Variants in BRF1 observed in about 807,000 individuals in gnomAD.
BRF1 encodes the protein BRF1 general transcription factor IIIB subunit.
A neutral mutation model predicts 81.7 loss-of-function variants in BRF1; 59 were observed. The ratio of observed to expected loss-of-function variants is 0.72; its 90% confidence interval spans 0.59 to 0.90. The LOEUF is 0.90. Among genes scored for constraint, BRF1 ranks in the 40% least tolerant of loss-of-function variants. The probability of loss-of-function intolerance (pLI) is 0.00; values close to 1 mark genes in which losing one functional copy is unlikely to be tolerated. For synonymous variants in BRF1, 491 were observed against 395.6 expected (o/e 1.24, Z -2.86); for missense variants, 1,050 against 936.3 (o/e 1.12, Z -1.58).
At position 105,226,242 on chromosome 14, in the gene BRF1, G is replaced by T; in HGVS notation, c.955+9C>A. On this transcript the variant is annotated intron_variant, in intron 9 of 17. Coordinates refer to ENST00000547530, the MANE Select transcript of BRF1 (RefSeq NM_001519.4). ...ACAGAAGCATTACATGGGAAGATTG[G>T]TTGGTTACCTTCAACCTCCTCCAGT... 1 of 1,614,114 alleles carries T rather than the reference G, an allele frequency of 6.2e-7. No homozygotes were observed. The highest frequency in any genetic ancestry group is 2.2e-5 in the East Asian group (1 of 44,884).
intron 15 of BRF1, among the ~76,000 whole-genome samples, chr14:105,215,409 C>T (rs759253543): frequency 1.8e-4 from 28 of 152,118 alleles, no homozygotes; most frequent in Non-Finnish European, 3.7e-4. Context: ...AACTTACACA[C>T]ATGCACACAC....
chr14:105,278,382 T>C (rs1460566584), intron 2 of BRF1, among the ~76,000 whole-genome samples: 1 of 148,464 alleles, frequency 6.7e-6, no homozygotes, highest in Non-Finnish European at 1.5e-5. Flanking sequence ...CAGTGAGCCA[T>C]GATCCTGCCA....
chr14:105,247,373 C>T (rs1258504318), intron 5 of BRF1: 1 of 985,444 alleles, frequency 1.0e-6, no homozygotes, highest in Non-Finnish European at 1.2e-6. Context: ...GCTCGGGCAC[C>T]CCATTCCTGG....
intron 5 of BRF1, chr14:105,249,239 GC>G (rs763889779): frequency 1.3e-6 from 2 of 1,580,008 alleles, no homozygotes; most frequent in Non-Finnish European, 1.7e-6. Context: ...GACGGTGCCC[GC>G]CCACAAGGTG....
intron 2 of BRF1, among the ~76,000 whole-genome samples, chr14:105,285,432 C>T (rs1020769288): frequency 3.9e-4 from 59 of 152,364 alleles, no homozygotes; most frequent in African/African-American, 1.3e-3. Flanking sequence ...GTTTTCAACA[C>T]ATGGTCCTGA....
At position 105,210,800 on chromosome 14, in the gene BRF1, C is replaced by A. The variant is rs894789887; in HGVS notation, c.1997-212G>T. On this transcript the variant is annotated intron_variant, in intron 17 of 17. Coordinates refer to ENST00000547530, the MANE Select transcript of BRF1 (RefSeq NM_001519.4). The surrounding 1 kb of genome is among the most constrained non-coding windows in gnomAD (Gnocchi z 4.7). ...GCAGGGCCTTGCTCCTCGTCGAGGG[C>A]ACCTGAGAGCAGTGTGGGCTCCCTC... is the stretch of plus-strand genomic sequence containing the variant. 6.6e-6 allele frequency among the ~76,000 whole-genome samples: 1 copy of A among 152,088 alleles called. No homozygotes were observed. The highest frequency in any genetic ancestry group is 1.5e-5 in the Non-Finnish European group (1 of 68,014).
At chr14:105,221,522 C>G in intron 11 of BRF1, 126 bp downstream of exon 11, 1 of 1,361,134 alleles carries the variant, frequency 7.3e-7, no homozygotes, top group Non-Finnish European at 9.7e-7. Flanking sequence ...ACCACCCAAG[C>G]CCACCGCCCG....
chr14:105,275,281 G>A (rs1325247168), intron 2 of BRF1, among the ~76,000 whole-genome samples: 3 of 152,270 alleles, frequency 2.0e-5, no homozygotes, highest in South Asian at 4.1e-4. Flanking sequence ...CCCCCAGCCC[G>A]GCTGTGGCCC....
intron 3 of BRF1, among the ~76,000 whole-genome samples, chr14:105,267,692 C>T (rs1419572520): frequency 6.6e-6 from 1 of 152,192 alleles, no homozygotes; most frequent in East Asian, 1.9e-4. Context: ...CTTCTTCTGA[C>T]CACTTAAACT....
intron 1 of BRF1, among the ~76,000 whole-genome samples, chr14:105,287,624 C>T (rs1283918733): frequency 6.6e-6 from 1 of 152,156 alleles, no homozygotes; most frequent in Non-Finnish European, 1.5e-5. Context: ...TGGGGCCAGG[C>T]CCTCCAGGGA....
chr14:105,228,760 C>CCTGAGCT, intron 7 of BRF1, 60 bp downstream of exon 7: 2 of 1,589,958 alleles, frequency 1.3e-6, no homozygotes, highest in East Asian at 4.5e-5. Context: ...GGCAAGCAGG[C>CCTGAGCT]CTGAGCTGGA....
At chr14:105,219,517 A>G in intron 12 of BRF1, 2 of 576,188 alleles carry the variant, frequency 3.5e-6, no homozygotes, top group Non-Finnish European at 3.0e-6. Flanking sequence ...GCCAGAGTGC[A>G]GGCCACAGGT....
intron 1 of BRF1, among the ~76,000 whole-genome samples, chr14:105,291,575 G>C (rs1004849633): frequency 6.6e-6 from 1 of 151,914 alleles, no homozygotes; most frequent in South Asian, 2.1e-4. Flanking sequence ...CCAGCTACTC[G>C]GGAGGCTGAG....
chr14:105,263,947 T>C (rs1344991777), intron 3 of BRF1, among the ~76,000 whole-genome samples: 3 of 149,868 alleles, frequency 2.0e-5, no homozygotes. Context: ...AAAGAAAAGT[T>C]AAATTCCCTC....
intron 2 of BRF1, among the ~76,000 whole-genome samples, chr14:105,283,189 A>G (rs2057179956): frequency 6.6e-6 from 1 of 152,178 alleles, no homozygotes; most frequent in Non-Finnish European, 1.5e-5. Context: ...CCTGACTGGC[A>G]GCAAAAGGGA....
In BRF1 at chr14:105,256,581, G is replaced by C. The variant is rs2055884630; in HGVS notation, c.440-32C>G. On this transcript the variant is annotated intron_variant, in intron 3 of 17. Coordinates refer to ENST00000547530, the MANE Select transcript of BRF1 (RefSeq NM_001519.4). ...CAGGAGTCAAGGATCCTGTCGAGTGGCTGCAAGCTCAGGTTACTCGCCCAC... is the reference window on the plus strand; with the variant it reads ...CAGGAGTCAAGGATCCTGTCGAGTGCCTGCAAGCTCAGGTTACTCGCCCAC... 4 of 1,609,238 alleles carry C rather than the reference G, an allele frequency of 2.5e-6. No homozygotes were observed. In the East Asian group the frequency reaches 8.9e-5, roughly 36 times the overall value.
At position 105,269,407 on chromosome 14, in the gene BRF1, A is replaced by G. The variant is rs2140389322; in HGVS notation, c.439+3314T>C. Among the ~76,000 whole-genome samples the G allele has an allele frequency of 6.6e-6, 1 of 152,272 alleles. No homozygotes were observed. The highest frequency in any genetic ancestry group is 2.1e-4 in the South Asian group (1 of 4,822). ...CTTGTCCTTAGCAGCTTTATAAGGT[A>G]CAAGTTTGTGCCACAAACCTGCCTG... On this transcript the variant is annotated intron_variant, in intron 3 of 17. Coordinates refer to ENST00000547530, the MANE Select transcript of BRF1 (RefSeq NM_001519.4). The surrounding 1 kb of genome is among the most constrained non-coding windows in gnomAD (Gnocchi z 5.0).
intron 3 of BRF1, among the ~76,000 whole-genome samples, chr14:105,261,742 C>A (rs1220131329): frequency 6.6e-6 from 1 of 152,270 alleles, no homozygotes; most frequent in East Asian, 1.9e-4. Context: ...CAACAGCCAG[C>A]AGTGCAGGGG....
At chr14:105,246,067 A>G (rs936505716) in intron 5 of BRF1, among the ~76,000 whole-genome samples, 3 of 152,224 alleles carry the variant, frequency 2.0e-5, no homozygotes, top group Non-Finnish European at 4.4e-5. Context: ...CAACTCAGGA[A>G]CAAAATCGAT....
Sources: gnomAD v4.1 joint callset for allele counts (sites outside exome capture counted in the v4.1 genomes callset) on GRCh38, gnomAD v4.1.1 for gene constraint, Gnocchi (gnomAD v3.1) non-coding constraint, MANE v1.5 for transcripts, NCBI Gene and HGNC (gene_info 2026-07-23, HGNC 2026-07-21) for gene names.